ICAM5: variants seen among roughly 807,000 people sequenced by gnomAD.
ICAM5 encodes the protein intercellular adhesion molecule 5.
ICAM5 carries 38 observed loss-of-function variants against 78.8 expected under a neutral mutation model. That is an observed-to-expected ratio of 0.48 (90% CI 0.37 to 0.63). The LOEUF (loss-of-function observed/expected upper bound fraction) is 0.63. Ranked by LOEUF, ICAM5 falls within the 30% of genes least tolerant of loss-of-function variation. The pLI, the probability that ICAM5 is intolerant of heterozygous loss-of-function variation, is 0.00. For missense variants in ICAM5, 1,059 were observed against 1,303.0 expected, an observed-to-expected ratio of 0.81 and a Z score of 2.88; for synonymous variants, 544 against 590.9, an observed-to-expected ratio of 0.92 and a Z score of 1.15.
At chr19:10,292,462 C>G in intron 4 of ICAM5, 140 bp downstream of exon 4, 1 of 1,365,804 alleles carries the variant, frequency 7.3e-7, no homozygotes, top group Non-Finnish European at 9.9e-7. Context: ...GACGTAATCG[C>G]TGGGGAGGAG....
chr19:10,291,637 C>T lies in ICAM5; in HGVS notation c.501C>T (p.Arg167=), dbSNP rs778697900. 6.2e-7 allele frequency: 1 copy of T among 1,611,704 alleles called. No homozygotes were observed. The highest frequency in any genetic ancestry group is 1.1e-5 in the South Asian group (1 of 91,018). Residue 167 remains arginine, a synonymous_variant, in exon 3 of 11, where the codon CGC becomes CGT. Coordinates refer to ENST00000221980, the MANE Select transcript of ICAM5 (RefSeq NM_003259.4). Reference sequence around the variant, plus strand: ...GGGGCGCCCAGGAGCTGATCCGCCGCAGCTTCGCCGGTGAACCACCCCGAG... The same window carrying T: ...GGGGCGCCCAGGAGCTGATCCGCCGTAGCTTCGCCGGTGAACCACCCCGAG... ...LLRGAQELIR[R]SFAGEPPRAR... is the part of the protein sequence containing the mutation.
intron 10 of ICAM5, 140 bp from the exon 11 acceptor site, chr19:10,296,199 G>A: frequency 1.2e-6 from 1 of 818,894 alleles, no homozygotes; most frequent in Non-Finnish European, 1.6e-6. Context: ...CTTATTGCAT[G>A]GGTTGTCTCC....
intron 4 of ICAM5, 107 bp downstream of exon 4, chr19:10,292,429 G>A: frequency 7.6e-7 from 1 of 1,318,820 alleles, no homozygotes; most frequent in Non-Finnish European, 1.0e-6. Flanking sequence ...CGTGGCCCGA[G>A]GGGCGGGGCA....
chr19:10,290,689 T>TCCCG lies in ICAM5; in HGVS notation c.83-382_83-379dup, dbSNP rs1408351563. On this transcript the variant is annotated intron_variant, in intron 1 of 10. Transcript: ENST00000221980. The surrounding 1 kb of genome is among the most constrained non-coding windows in gnomAD (Gnocchi z 5.7). Reference sequence around the variant, plus strand: ...TTGCCGCAAACGCACTCTCCTCGTATCCCGGCATTCTGCCAGGACCCTGAG... The same window carrying TCCCG: ...TTGCCGCAAACGCACTCTCCTCGTATCCCGCCCGGCATTCTGCCAGGACCCTGAG... 2.3e-5 allele frequency: 7 copies of TCCCG among 306,044 alleles called. No homozygotes were observed. Among genetic ancestry groups the TCCCG allele is most frequent in the Admixed American group, 1.9e-4 (4 of 21,506 alleles). The allele number at this position is 306,044 out of a possible 1,614,324, so 19.0% of individuals were successfully genotyped here. A position where few individuals can be genotyped will look rare whatever the true frequency, so the allele number is the denominator to read the frequency against.
intron 4 of ICAM5, 50 bp from the exon 5 acceptor site, chr19:10,292,562 C>A (rs752645471): frequency 2.5e-5 from 38 of 1,519,014 alleles, no homozygotes; most frequent in Non-Finnish European, 3.1e-5. Context: ...GGGCCTTGAC[C>A]GGAGGGAGGG....
chr19:10,293,293 G>C lies in ICAM5; in HGVS notation c.1465+47G>C. 6.5e-7 allele frequency: 1 copy of C among 1,529,194 alleles called. No homozygotes were observed. The highest frequency in any genetic ancestry group is 8.8e-7 in the Non-Finnish European group (1 of 1,137,096). The allele number at this position is 1,529,194 out of a possible 1,614,324, so 94.7% of individuals were successfully genotyped here. A position where few individuals can be genotyped will look rare whatever the true frequency, so the allele number is the denominator to read the frequency against. ...GCATTTCTATCTGGTTCAAGGTCTG[G>C]AGGGTGGCCAGCCTCCAGGGAAGAG... On this transcript the variant is annotated intron_variant, in intron 6 of 10. Transcript: ENST00000221980. This position sits in a 1 kb window ranked among gnomAD's most constrained non-coding sequence, Gnocchi z 5.0.
At chr19:10,291,932 C>T in intron 3 of ICAM5, 103 bp from the exon 4 acceptor site, 1 of 1,489,584 alleles carries the variant, frequency 6.7e-7, no homozygotes. Context: ...CTGTTTCCCC[C>T]TCCGTGCCTT....
chr19:10,291,112 C>A lies in ICAM5; in HGVS notation c.123C>A (p.Arg41=). 1 of 1,611,978 alleles carries A rather than the reference C, an allele frequency of 6.2e-7. No individual in the cohort carries two copies. The highest frequency in any genetic ancestry group is 8.5e-7 in the Non-Finnish European group (1 of 1,179,546). ...CCTTCTGGGCGGACCTGCAGCCTCG[C>A]GTGGCGTTCGTGGAGCGCGGGGGCT... ...QEPFWADLQP[R]VAFVERGGSL... The change falls in exon 2 of 11, where the codon CGC becomes CGA. Residue 41 remains arginine, a synonymous_variant. Coordinates refer to ENST00000221980, the MANE Select transcript of ICAM5 (RefSeq NM_003259.4).
At chr19:10,292,403 T>C (rs1224812063) in intron 4 of ICAM5, 81 bp downstream of exon 4, 7 of 1,465,468 alleles carry the variant, frequency 4.8e-6, no homozygotes, top group Non-Finnish European at 6.4e-6. Flanking sequence ...GGGCGGGACC[T>C]CAGTACCGGA....
At position 10,295,452 on chromosome 19, in the gene ICAM5, C is replaced by A. The variant is rs779771575; in HGVS notation, c.2337C>A (p.Ile779=). 3.1e-6 allele frequency: 5 copies of A among 1,605,076 alleles called. No individual in the cohort carries two copies. The highest frequency in any genetic ancestry group is 3.4e-6 in the Non-Finnish European group (4 of 1,177,374). The change falls in exon 10 of 11, where the codon ATC becomes ATA. Residue 779 remains isoleucine (I), a synonymous_variant. Coordinates refer to ENST00000221980, the MANE Select transcript of ICAM5 (RefSeq NM_003259.4). ...CRAEAWPPAQ[I]SWRAPPGALN... The stretch of plus-strand genomic sequence containing the variant: ...CGGAGGCCTGGCCTCCAGCCCAGAT[C>A]AGCTGGCGCGCGCCCCCGGGGGCCC...
In ICAM5 at chr19:10,290,969, TCTC is replaced by T. The variant is rs2040166243; in HGVS notation, c.83-92_83-90del. The T allele has an allele frequency of 2.3e-5, 33 of 1,410,564 alleles. No homozygotes were observed. The highest frequency in any genetic ancestry group is 2.9e-5 in the South Asian group (2 of 69,578). The allele number at this position is 1,410,564 out of a possible 1,614,324, so 87.4% of individuals were successfully genotyped here. On this transcript the variant is annotated intron_variant, in intron 1 of 10. Transcript: ENST00000221980. This position sits in a 1 kb window ranked among gnomAD's most constrained non-coding sequence, Gnocchi z 5.7. ...CTGGGTTCTTTCCCTGGCTGCAGCCTCTCCTCCTCCTCCCCGCCCTCTGAGAAC... is the reference window on the plus strand; with the variant it reads ...CTGGGTTCTTTCCCTGGCTGCAGCCTCTCCTCCTCCCCGCCCTCTGAGAAC...
rs1599278159 is a variant in ICAM5 at position 10,291,319 on chromosome 19, G to T, written c.330G>T (p.Ala110=). Residue 110 remains alanine, a synonymous_variant, in exon 2 of 11, where the codon GCG becomes GCT. Coordinates refer to ENST00000221980, the MANE Select transcript of ICAM5 (RefSeq NM_003259.4). ...GCTGCGCGCGGCGCACACTACAGGC[G>T]CGTGGGCTCATTCGCACTTTCCGTG... ...FFRCARRTLQ[A]RGLIRTFQRP... The T allele has an allele frequency of 6.2e-7, 1 of 1,609,712 alleles. No homozygotes were observed. Among genetic ancestry groups the T allele is most frequent in the South Asian group, 1.1e-5 (1 of 91,014 alleles).
rs1380166613 is a variant in ICAM5, at chr19:10,293,553, T to G, written c.1466-145T>G. On this transcript the variant is annotated intron_variant, in intron 6 of 10. Coordinates refer to ENST00000221980, the MANE Select transcript of ICAM5 (RefSeq NM_003259.4). The surrounding 1 kb of genome is among the most constrained non-coding windows in gnomAD (Gnocchi z 5.0). ...GAAGCTCCCAGACAGAGTGCATGCC[T>G]CGACTAGCGTGACACCTCCTTGGAT... The G allele has an allele frequency of 1.8e-5, 22 of 1,206,832 alleles. No individual in the cohort carries two copies. The highest frequency in any genetic ancestry group is 2.5e-5 in the Non-Finnish European group (22 of 872,962). The allele number at this position is 1,206,832 out of a possible 1,614,324, so 74.8% of individuals were successfully genotyped here.
chr19:10,291,835 G>A (rs768070421), intron 3 of ICAM5, 26 bp downstream of exon 3: 2 of 1,594,906 alleles, frequency 1.3e-6, no homozygotes, highest in South Asian at 2.2e-5. Context: ...GAGGAGATGG[G>A]GACCCAGTGG....
chr19:10,294,023 G>A lies in ICAM5; in HGVS notation c.1712-17G>A, dbSNP rs770835595. 2.5e-6 allele frequency: 4 copies of A among 1,584,512 alleles called. No individual in the cohort carries two copies. Among genetic ancestry groups the A allele is most frequent in the Admixed American group, 3.5e-5 (2 of 57,626 alleles). ...CTTCCTGGCCCCCGTGTGAGCCCCT[G>A]CAATCCTGTTTCCCAGATGGCCCCA... is the stretch of plus-strand genomic sequence containing the variant. On this transcript the variant is annotated splice_polypyrimidine_tract_variant and intron_variant, in intron 7 of 10. Transcript: ENST00000221980. The surrounding 1 kb of genome is among the most constrained non-coding windows in gnomAD (Gnocchi z 7.7).
At position 10,296,509 on chromosome 19, in the gene ICAM5, G is replaced by A. The variant is rs1234334678; in HGVS notation, c.2668G>A (p.Gly890Ser). 1 of 1,221,458 alleles carries A rather than the reference G, an allele frequency of 8.2e-7. No individual in the cohort carries two copies. The highest frequency in any genetic ancestry group is 1.0e-6 in the Non-Finnish European group (1 of 965,402). The allele number at this position is 1,221,458 out of a possible 1,614,324, so 75.7% of individuals were successfully genotyped here. The change falls in exon 11 of 11, where the codon GGC becomes AGC. Residue 890 changes from glycine to serine, a missense_variant. Transcript: ENST00000221980. ...CGTGTGTCTGAACGGAGCGGGCGGC[G>A]GCGCTGGCGGGGCGGCAGGCGCGGA... ...EAVCLNGAGG[G>S]AGGAAGAEGG...
In ICAM5 at chr19:10,292,770, G is replaced by A. The variant is rs746803527; in HGVS notation, c.1120G>A (p.Glu374Lys). ...CGCCCAGCTTCAGCTAAATGCCACC[G>A]AGAACGACGACAGACGCAGCTTCTT... The part of the protein sequence containing the change: ...QPAQLQLNAT[E>K]NDDRRSFFCD... Residue 374 changes from glutamate (E) to lysine (K), a missense_variant, in exon 5 of 11, where the codon GAG becomes AAG. Coordinates refer to ENST00000221980, the MANE Select transcript of ICAM5 (RefSeq NM_003259.4). The A allele has an allele frequency of 4.3e-6, 7 of 1,613,406 alleles. No homozygotes were observed. The South Asian group carries it at 6.6e-5, about 15-fold the overall frequency.
rs542656397 is a variant in ICAM5 at position 10,293,502 on chromosome 19, C to T, written c.1466-196C>T. On this transcript the variant is annotated intron_variant, in intron 6 of 10. Coordinates refer to ENST00000221980, the MANE Select transcript of ICAM5 (RefSeq NM_003259.4). The surrounding 1 kb of genome is among the most constrained non-coding windows in gnomAD (Gnocchi z 5.0). ...AGTCCAGAGTGTTTAAGTTTTTAGACGAAAAAGGCGCCACTGGTGGCTCAG... is the reference window on the plus strand; with the variant it reads ...AGTCCAGAGTGTTTAAGTTTTTAGATGAAAAAGGCGCCACTGGTGGCTCAG... Among the ~76,000 whole-genome samples the T allele has an allele frequency of 6.6e-6, 1 of 152,166 alleles. No homozygotes were observed. The highest frequency in any genetic ancestry group is 2.1e-4 in the South Asian group (1 of 4,826).
rs1418295707 is a variant in ICAM5 at position 10,296,565 on chromosome 19, C to A, written c.2724C>A (p.Ala908=). The change falls in exon 11 of 11, where the codon GCC becomes GCA. Residue 908 remains alanine (A), a synonymous_variant. Coordinates refer to ENST00000221980, the MANE Select transcript of ICAM5 (RefSeq NM_003259.4). ...GACCCGAGGCGGCGGGGGGCGCGGC[C>A]GAGTCGCCGGCGGAGGGCGAGGTCT... ...EGGPEAAGGA[A]ESPAEGEVFA... 2 of 1,219,342 alleles carry A rather than the reference C, an allele frequency of 1.6e-6. No individual in the cohort carries two copies. The highest frequency in any genetic ancestry group is 2.1e-6 in the Non-Finnish European group (2 of 972,508). 75.5% of individuals were successfully genotyped at this position (1,219,342 alleles called of 1,614,324 possible).
Sources: allele counts gnomAD v4.1 joint callset (sites outside exome capture counted in the v4.1 genomes callset), GRCh38; gene constraint gnomAD v4.1.1; non-coding constraint Gnocchi (gnomAD v3.1); transcripts MANE v1.5; gene names NCBI Gene and HGNC (gene_info 2026-07-23, HGNC 2026-07-21).